Variants in ZMYND11 observed in about 807,000 individuals in gnomAD.
ZMYND11 encodes zinc finger MYND-type containing 11, also known as zinc finger MYND domain-containing protein 11.
ZMYND11 carries 9 observed loss-of-function variants against 84.9 expected under a neutral mutation model. The observed-to-expected ratio is 0.11, with a 90% CI of 0.06 to 0.18. The LOEUF is 0.18. ZMYND11 is among the 10% of genes least tolerant of loss of function. The probability of loss-of-function intolerance (pLI) is 1.00; values close to 1 mark genes in which losing one functional copy is unlikely to be tolerated. For missense variants in ZMYND11, 409 were observed against 761.0 expected (o/e 0.54, Z 5.44); for synonymous variants, 250 against 244.1 (o/e 1.02, Z -0.23).
At chr10:205,814 GGTT>G (rs766765300) in intron 2 of ZMYND11, among the ~76,000 whole-genome samples, 2 of 151,144 alleles carry the variant, frequency 1.3e-5, no homozygotes, top group East Asian at 1.9e-4. Flanking sequence ...TTGACTCGGT[GGTT>G]GTTTATGAGG....
chr10:242,237 TA>T, intron 10 of ZMYND11, 98 bp downstream of exon 10: 1 of 1,477,272 alleles, frequency 6.8e-7, no homozygotes, highest in Non-Finnish European at 9.1e-7. Flanking sequence ...AAGTTTATTT[TA>T]AATTGGAAAA....
intron 9 of ZMYND11, 130 bp downstream of exon 9, chr10:241,100 A>G: frequency 1.7e-6 from 1 of 597,978 alleles, no homozygotes; most frequent in Non-Finnish European, 2.8e-6. Flanking sequence ...TAATGAGTAT[A>G]AACAACTGAA....
intron 4 of ZMYND11, among the ~76,000 whole-genome samples, chr10:233,083 T>TTAAGA (rs1564427303): frequency 3.3e-5 from 5 of 152,238 alleles, no homozygotes; most frequent in Non-Finnish European, 7.3e-5. Flanking sequence ...AGGAAGTTGG[T>TTAAGA]GCAGTGCTCT....
chr10:210,643 A>G (rs1945047146), intron 3 of ZMYND11, among the ~76,000 whole-genome samples: 1 of 151,984 alleles, frequency 6.6e-6, no homozygotes, highest in African/African-American at 2.4e-5. Flanking sequence ...TCTCACTTTG[A>G]CTCCTCTTTT....
In ZMYND11 at chr10:152,047, C is replaced by A. The variant is rs181205933; in HGVS notation, c.-20+16488C>A. 3.2e-3 allele frequency among the ~76,000 whole-genome samples: 494 copies of A among 152,286 alleles called. 5 individuals carry two copies. Among genetic ancestry groups the A allele is most frequent in the African/African-American group, 0.011 (449 of 41,560 alleles). ...TTTTGTCACCACCAGGCCTGCCCTACAAGAGCTCCTGAAGGAAGCACTAAA... is the reference window on the plus strand; with the variant it reads ...TTTTGTCACCACCAGGCCTGCCCTAAAAGAGCTCCTGAAGGAAGCACTAAA... On this transcript the variant is annotated intron_variant, in intron 1 of 14. Coordinates refer to ENST00000381604, the MANE Select transcript of ZMYND11 (RefSeq NM_001370100.5).
chr10:147,996 G>T (rs79743682), intron 1 of ZMYND11: 89 of 152,376 alleles, frequency 5.8e-4, no homozygotes, highest in African/African-American at 2.1e-3. Flanking sequence ...CAGATCAACC[G>T]TCCTGGGGTT....
rs912863936 is a variant in ZMYND11, at chr10:202,536, C to T, written c.117-7353C>T. 2.0e-5 allele frequency among the ~76,000 whole-genome samples: 3 copies of T among 151,820 alleles called. No homozygotes were observed. In the East Asian group the frequency reaches 5.8e-4, roughly 29 times the overall value. ...TTGCCTAAACTCAAAACTTTCCATCCAGAAAACAAAGTTATTGACTCCTTT... is the reference window on the plus strand; with the variant it reads ...TTGCCTAAACTCAAAACTTTCCATCTAGAAAACAAAGTTATTGACTCCTTT... On this transcript the variant is annotated intron_variant, in intron 2 of 14. Coordinates refer to ENST00000381604, the MANE Select transcript of ZMYND11 (RefSeq NM_001370100.5).
At chr10:191,835 C>A (rs1940506041) in intron 2 of ZMYND11, among the ~76,000 whole-genome samples, 1 of 152,194 alleles carries the variant, frequency 6.6e-6, no homozygotes, top group African/African-American at 2.4e-5. Flanking sequence ...AACCTTTTTC[C>A]ATGTCATTGC....
At chr10:248,296 T>C in intron 12 of ZMYND11, 40 bp from the exon 13 acceptor site, 2 of 1,589,174 alleles carry the variant, frequency 1.3e-6, no homozygotes, top group Non-Finnish European at 1.7e-6. Context: ...GTGAATTATG[T>C]GGCTTCGTTT....
chr10:182,843 A>G (rs1588715371), intron 2 of ZMYND11, among the ~76,000 whole-genome samples: 1 of 150,982 alleles, frequency 6.6e-6, no homozygotes, highest in South Asian at 2.1e-4. Context: ...AAAGCCTAAT[A>G]CTCCTATTCT....
At chr10:152,548 C>G (rs1840644558) in intron 1 of ZMYND11, among the ~76,000 whole-genome samples, 1 of 152,076 alleles carries the variant, frequency 6.6e-6, no homozygotes, top group Non-Finnish European at 1.5e-5. Context: ...ACAGGAGCAC[C>G]CAGATTCATA....
At chr10:194,313 C>G (rs1351913715) in intron 2 of ZMYND11, among the ~76,000 whole-genome samples, 2 of 152,072 alleles carry the variant, frequency 1.3e-5, no homozygotes, top group African/African-American at 4.8e-5. Flanking sequence ...ACCTCAGCCT[C>G]CCAAAGTGCT....
intron 1 of ZMYND11, among the ~76,000 whole-genome samples, chr10:144,982 G>A (rs1554754852): frequency 6.6e-6 from 1 of 150,844 alleles, no homozygotes; most frequent in East Asian, 1.9e-4. Flanking sequence ...ATGCCTTTGT[G>A]TACCCATAGC....
At position 252,501 on chromosome 10, in the gene ZMYND11, TTA is replaced by T; in HGVS notation, c.*32_*33del. The T allele has an allele frequency of 6.3e-7, 1 of 1,595,152 alleles. No homozygotes were observed. The highest frequency in any genetic ancestry group is 8.5e-7 in the Non-Finnish European group (1 of 1,173,488). On this transcript the variant is annotated 3_prime_UTR_variant, in exon 15 of 15. Coordinates refer to ENST00000381604, the MANE Select transcript of ZMYND11 (RefSeq NM_001370100.5). The surrounding 1 kb of genome is among the most constrained non-coding windows in gnomAD (Gnocchi z 4.6). ...GCCCTTCCCGGAGTCACCCCGATGA[TTA>T]CTCTTTTCAGACACAGCGGTTTTTG...
chr10:217,461 T>C (rs1193310350), intron 3 of ZMYND11, among the ~76,000 whole-genome samples: 1 of 150,956 alleles, frequency 6.6e-6, no homozygotes, highest in Non-Finnish European at 1.5e-5. Flanking sequence ...AGGCGGAGGT[T>C]GCAGTGAGCC....
chr10:238,674 CAAGA>C (rs1298704648), intron 6 of ZMYND11, among the ~76,000 whole-genome samples: 1 of 152,090 alleles, frequency 6.6e-6, no homozygotes, highest in Non-Finnish European at 1.5e-5. Flanking sequence ...CTTTAGTACC[CAAGA>C]AAGACTGTGG....
chr10:245,953 T>G (rs11251173), intron 10 of ZMYND11, among the ~76,000 whole-genome samples: 37,966 of 152,148 alleles, frequency 0.25, 5,863 homozygotes, highest in Non-Finnish European at 0.35. Context: ...GCAATGAAAC[T>G]CAAGATCACG....
chr10:207,304 T>A (rs1298741663), intron 2 of ZMYND11, among the ~76,000 whole-genome samples: 1 of 152,224 alleles, frequency 6.6e-6, no homozygotes, highest in Non-Finnish European at 1.5e-5. Flanking sequence ...AACATACATG[T>A]GCATGTGTCT....
intron 2 of ZMYND11, among the ~76,000 whole-genome samples, chr10:202,829 G>C (rs972479086): frequency 3.3e-5 from 5 of 152,096 alleles, no homozygotes; most frequent in African/African-American, 1.2e-4. Flanking sequence ...CAACATGCTA[G>C]GACTAACAAC....
Sources: allele counts gnomAD v4.1 joint callset (sites outside exome capture counted in the v4.1 genomes callset), GRCh38; gene constraint gnomAD v4.1.1; non-coding constraint Gnocchi (gnomAD v3.1); transcripts MANE v1.5; gene names NCBI Gene and HGNC (gene_info 2026-07-23, HGNC 2026-07-21).